IFT140: variants seen among roughly 807,000 people sequenced by gnomAD.
IFT140 encodes the protein intraflagellar transport 140.
A neutral mutation model predicts 164.6 loss-of-function variants in IFT140; 133 were observed. The ratio of observed to expected loss-of-function variants is 0.81; its 90% CI spans 0.70 to 0.93. IFT140 has a LOEUF of 0.93. Among genes scored for constraint, IFT140 ranks in the 40% least tolerant of loss-of-function variants. IFT140 has a pLI of 0.00. For missense variants in IFT140, 2,045 were observed against 1,972.3 expected, an observed-to-expected ratio of 1.04 and a Z score of -0.70; for synonymous variants, 860 against 817.3, an observed-to-expected ratio of 1.05 and a Z score of -0.89.
chr16:1,585,766 CTT>C (rs916504738), intron 10 of IFT140, among the ~76,000 whole-genome samples: 9 of 119,354 alleles, frequency 7.5e-5, no homozygotes, highest in Non-Finnish European at 1.2e-4. Flanking sequence ...CCTCCACTTT[CTT>C]TTTTTTTTTT....
intron 9 of IFT140, among the ~76,000 whole-genome samples, chr16:1,586,908 T>G (rs538835198): frequency 6.6e-6 from 1 of 152,338 alleles, no homozygotes; most frequent in South Asian, 2.1e-4. Context: ...GGTCTCACTA[T>G]GTAGCTCAGG....
chr16:1,600,990 T>C (rs1011546107), intron 4 of IFT140, among the ~76,000 whole-genome samples: 6 of 151,436 alleles, frequency 4.0e-5, no homozygotes, highest in African/African-American at 1.5e-4. Context: ...TAGCCAGACG[T>C]GGTAGCTCAC....
At chr16:1,515,927 G>A (rs1179023251) in intron 30 of IFT140, among the ~76,000 whole-genome samples, 2 of 151,894 alleles carry the variant, frequency 1.3e-5, no homozygotes, top group African/African-American at 2.4e-5. Flanking sequence ...GATCACCTGA[G>A]GTTGGGAGTT....
intron 21 of IFT140, 77 bp downstream of exon 21, chr16:1,525,810 C>A: frequency 7.2e-7 from 1 of 1,383,120 alleles, no homozygotes; most frequent in Non-Finnish European, 9.6e-7. Context: ...GGCCACCTCA[C>A]CACAGCACAC....
At chr16:1,600,762 G>A (rs2035752806) in intron 4 of IFT140, among the ~76,000 whole-genome samples, 1 of 152,258 alleles carries the variant, frequency 6.6e-6, no homozygotes, top group Non-Finnish European at 1.5e-5. Flanking sequence ...AGGAGACAAT[G>A]TCCTCTACGT....
chr16:1,598,919 G>A (rs1207027952), intron 4 of IFT140, among the ~76,000 whole-genome samples: 3 of 148,756 alleles, frequency 2.0e-5, no homozygotes, highest in Non-Finnish European at 4.5e-5. Flanking sequence ...TGCCCAGTCT[G>A]GAAAGTGAGG....
chr16:1,548,294 G>A (rs568962253), intron 19 of IFT140, among the ~76,000 whole-genome samples: 1 of 152,346 alleles, frequency 6.6e-6, no homozygotes, highest in African/African-American at 2.4e-5. Flanking sequence ...GTCAGCCCTG[G>A]GGTCTTTCCA....
chr16:1,550,337 C>T (rs759307215), intron 19 of IFT140, among the ~76,000 whole-genome samples: 6 of 152,208 alleles, frequency 3.9e-5, no homozygotes, highest in Non-Finnish European at 7.3e-5. Context: ...CAACCATGCA[C>T]AGGGAGGTCA....
intron 30 of IFT140, among the ~76,000 whole-genome samples, chr16:1,517,823 CTT>C (rs1383859307): frequency 6.6e-6 from 1 of 152,110 alleles, no homozygotes; most frequent in East Asian, 1.9e-4. Context: ...GAGACTGTTA[CTT>C]TTTGCTACCG....
At chr16:1,605,908 G>C (rs1171169643) in intron 3 of IFT140, among the ~76,000 whole-genome samples, 2 of 152,200 alleles carry the variant, frequency 1.3e-5, no homozygotes, top group Non-Finnish European at 2.9e-5. Flanking sequence ...GAGGTCATTA[G>C]AGCAGGCCCT....
At position 1,523,872 on chromosome 16, in the gene IFT140, C is replaced by T. The variant is rs773620301; in HGVS notation, c.3226G>A (p.Glu1076Lys). 3.7e-6 allele frequency: 6 copies of T among 1,613,466 alleles called. No individual in the cohort carries two copies. Among genetic ancestry groups the T allele is most frequent in the Non-Finnish European group, 5.1e-6 (6 of 1,180,008 alleles). The change falls in exon 25 of 31, where the codon GAG becomes AAG. Residue 1076 changes from glutamate (E) to lysine (K), a missense_variant. By Grantham distance (56) the Glu-to-Lys change is moderately conservative (BLOSUM62 1). Transcript: ENST00000426508. ...DMIEAARYYEEKGVQMDRAVM... is the reference protein window; with the variant it reads ...DMIEAARYYEKKGVQMDRAVM... ...GCCCTGTCCATCTGCACGCCCTTCT[C>T]CTCGTAGTATCGGGCCGCCTCGATC...
At chr16:1,544,486 C>T (rs1282840906) in intron 19 of IFT140, among the ~76,000 whole-genome samples, 2 of 150,908 alleles carry the variant, frequency 1.3e-5, no homozygotes, top group Non-Finnish European at 3.0e-5. Context: ...CGCCTGGCCA[C>T]GCCCCACTAA....
chr16:1,567,242 T>C (rs184906467), intron 15 of IFT140, among the ~76,000 whole-genome samples: 1 of 152,312 alleles, frequency 6.6e-6, no homozygotes, highest in Admixed American at 6.5e-5. Flanking sequence ...GACCCTTTGA[T>C]TCATCTTCTA....
chr16:1,595,445 G>A (rs2035412977), intron 4 of IFT140, among the ~76,000 whole-genome samples: 1 of 151,398 alleles, frequency 6.6e-6, no homozygotes, highest in Non-Finnish European at 1.5e-5. Flanking sequence ...GTGAAACCTG[G>A]TCCCTACTAA....
intron 18 of IFT140, among the ~76,000 whole-genome samples, chr16:1,560,191 C>T (rs1284890640): frequency 6.6e-6 from 1 of 152,194 alleles, no homozygotes; most frequent in Non-Finnish European, 1.5e-5. Flanking sequence ...AGGAAACATG[C>T]ATTGACAGAG....
chr16:1,529,619 G>GC (rs1417430859), intron 19 of IFT140, among the ~76,000 whole-genome samples: 1 of 152,218 alleles, frequency 6.6e-6, no homozygotes, highest in East Asian at 1.9e-4. Context: ...AGGCTGTGCT[G>GC]CCCTCGGTCC....
chr16:1,576,448 T>G (rs562920859), intron 13 of IFT140, among the ~76,000 whole-genome samples: 1 of 147,998 alleles, frequency 6.8e-6, no homozygotes, highest in African/African-American at 2.5e-5. Context: ...AAAAAATAGC[T>G]GGGCGTGGTG....
chr16:1,552,586 A>G (rs1478215996), intron 19 of IFT140, among the ~76,000 whole-genome samples: 1 of 151,954 alleles, frequency 6.6e-6, no homozygotes, highest in Non-Finnish European at 1.5e-5. Context: ...AGCAGAGGGC[A>G]CATTCCGCAC....
chr16:1,555,195 G>C, intron 19 of IFT140: 1 of 846,020 alleles, frequency 1.2e-6, no homozygotes, highest in Non-Finnish European at 1.8e-6. Flanking sequence ...CTGTTATGTC[G>C]GTCATATGTC....
Sources: allele counts gnomAD v4.1 joint callset (sites outside exome capture counted in the v4.1 genomes callset), GRCh38; gene constraint gnomAD v4.1.1; transcripts MANE v1.5; gene names NCBI Gene and HGNC (gene_info 2026-07-23, HGNC 2026-07-21).